The following PPP1R13B variants were observed in gnomAD, a reference collection of about 807,000 sequenced individuals.
PPP1R13B encodes protein phosphatase 1 regulatory subunit 13B, also known as apoptosis-stimulating of p53 protein 1.
Under a neutral mutation model 119.8 loss-of-function variants are expected in PPP1R13B, and 44 were observed. The observed-to-expected ratio is 0.37, with a 90% CI of 0.29 to 0.47. PPP1R13B has a LOEUF of 0.47. Ranked by LOEUF, PPP1R13B falls within the 20% of genes least tolerant of loss-of-function variation. PPP1R13B has a pLI of 0.99. For missense variants in PPP1R13B, 1,227 were observed against 1,413.5 expected (o/e 0.87, Z 2.12); for synonymous variants, 542 against 561.5 (o/e 0.97, Z 0.49).
chr14:103,779,601 T>A (rs1164671182), intron 3 of PPP1R13B, among the ~76,000 whole-genome samples: 4 of 139,282 alleles, frequency 2.9e-5, no homozygotes, highest in African/African-American at 8.3e-5. Context: ...GTGGCGAAAA[T>A]CTGTCTCTAC....
intron 14 of PPP1R13B, 75 bp from the exon 15 acceptor site, chr14:103,737,935 T>C (rs2084154996): frequency 8.9e-6 from 13 of 1,461,874 alleles, no homozygotes; most frequent in Non-Finnish European, 1.1e-5. Flanking sequence ...GAGATTTCCC[T>C]CTAAGGAATC....
At chr14:103,788,461 T>C (rs1335761157) in intron 2 of PPP1R13B, among the ~76,000 whole-genome samples, 2 of 152,208 alleles carry the variant, frequency 1.3e-5, no homozygotes, top group African/African-American at 4.8e-5. Context: ...CAAAGATTGA[T>C]ACGGATGCAT....
intron 2 of PPP1R13B, among the ~76,000 whole-genome samples, chr14:103,795,173 A>G (rs1298841086): frequency 6.6e-6 from 1 of 152,106 alleles, no homozygotes; most frequent in Non-Finnish European, 1.5e-5. Context: ...CCTGGCTTCA[A>G]GTGATCCACC....
At chr14:103,805,091 C>CCT (rs916478937) in intron 1 of PPP1R13B, among the ~76,000 whole-genome samples, 1 of 152,118 alleles carries the variant, frequency 6.6e-6, no homozygotes, top group African/African-American at 2.4e-5. Context: ...CCCACCTCGG[C>CCT]CTCTCAAAGT....
intron 9 of PPP1R13B, among the ~76,000 whole-genome samples, chr14:103,745,592 T>C (rs1304199836): frequency 6.6e-6 from 1 of 151,882 alleles, no homozygotes; most frequent in Non-Finnish European, 1.5e-5. Flanking sequence ...ACACTAGAGG[T>C]CCAAGTCCAT....
At chr14:103,766,167 C>T (rs553709641) in intron 4 of PPP1R13B, among the ~76,000 whole-genome samples, 26 of 152,042 alleles carry the variant, frequency 1.7e-4, no homozygotes, top group African/African-American at 6.0e-4. Flanking sequence ...TGCCACCATG[C>T]CCAGCTAATT....
chr14:103,799,371 G>T (rs982556782), intron 1 of PPP1R13B, among the ~76,000 whole-genome samples: 1 of 151,800 alleles, frequency 6.6e-6, no homozygotes, highest in South Asian at 2.1e-4. Context: ...GTAGAGACGG[G>T]GTTTCACCGT....
intron 2 of PPP1R13B, among the ~76,000 whole-genome samples, chr14:103,788,111 C>CA (rs1283399374): frequency 6.9e-6 from 1 of 145,292 alleles, no homozygotes; most frequent in African/African-American, 2.6e-5. Context: ...GACCCTGTCT[C>CA]AAAAAGAGAA....
chr14:103,838,055 G>A lies in PPP1R13B; in HGVS notation c.9+9244C>T, dbSNP rs559909099. On this transcript the variant is annotated intron_variant, in intron 1 of 16. Coordinates refer to ENST00000202556, the MANE Select transcript of PPP1R13B (RefSeq NM_015316.3). ...AATCGCTTGAACCTAGGAGGCGAAGGTTGCAGTGAGCCGAGATCACACCAC... is the reference window on the plus strand; with the variant it reads ...AATCGCTTGAACCTAGGAGGCGAAGATTGCAGTGAGCCGAGATCACACCAC... 1.2e-4 allele frequency among the ~76,000 whole-genome samples: 18 copies of A among 151,758 alleles called. No homozygotes were observed. In the South Asian group the frequency reaches 2.9e-3, roughly 25 times the overall value.
At chr14:103,795,119 G>A (rs1040933066) in intron 2 of PPP1R13B, among the ~76,000 whole-genome samples, 39 of 152,072 alleles carry the variant, frequency 2.6e-4, no homozygotes, top group African/African-American at 9.2e-4. Flanking sequence ...TGTATTTTTA[G>A]TAGAGATGGG....
chr14:103,833,542 C>T (rs910551791), intron 1 of PPP1R13B, among the ~76,000 whole-genome samples: 5 of 151,954 alleles, frequency 3.3e-5, no homozygotes, highest in African/African-American at 1.2e-4. Context: ...CCTGGGGAAG[C>T]TGAGGCATGA....
At chr14:103,844,294 A>T (rs2086977106) in intron 1 of PPP1R13B, among the ~76,000 whole-genome samples, 1 of 151,784 alleles carries the variant, frequency 6.6e-6, no homozygotes, top group Non-Finnish European at 1.5e-5. Context: ...AAGAAGGTGG[A>T]AAGTCACAGC....
intron 4 of PPP1R13B, among the ~76,000 whole-genome samples, chr14:103,770,653 C>T: frequency 6.6e-6 from 1 of 152,158 alleles, no homozygotes; most frequent in African/African-American, 2.4e-5. Flanking sequence ...ACAGAAAACG[C>T]ATCCCATGCC....
chr14:103,789,671 G>A (rs960441348), intron 2 of PPP1R13B, among the ~76,000 whole-genome samples: 5 of 151,670 alleles, frequency 3.3e-5, no homozygotes, highest in Admixed American at 6.6e-5. Context: ...GCACTACCAC[G>A]CCCAGCTAAC....
At chr14:103,763,303 G>C (rs1365345953) in intron 4 of PPP1R13B, 2 of 347,378 alleles carry the variant, frequency 5.8e-6, no homozygotes, top group Non-Finnish European at 1.1e-5. Flanking sequence ...ATTTAGAAAG[G>C]GGGGTCTGTT....
At chr14:103,751,636 G>C (rs1307260167) in intron 7 of PPP1R13B, among the ~76,000 whole-genome samples, 2 of 152,104 alleles carry the variant, frequency 1.3e-5, no homozygotes, top group South Asian at 4.2e-4. Flanking sequence ...AAGGTCATGA[G>C]GGTGGGGCCC....
intron 4 of PPP1R13B, among the ~76,000 whole-genome samples, chr14:103,762,460 AG>A (rs1329358636): frequency 2.3e-5 from 2 of 85,146 alleles, no homozygotes; most frequent in African/African-American, 4.6e-5. Flanking sequence ...GGGTGGGGGG[AG>A]GGGAGAGGGA....
rs886759810 is a variant in PPP1R13B at position 103,835,831 on chromosome 14, G to A, written c.9+11468C>T. Among the ~76,000 whole-genome samples, 8 of 151,580 alleles carry A rather than the reference G, an allele frequency of 5.3e-5. No individual in the cohort carries two copies. The East Asian group carries it at 9.8e-4, about 19-fold the overall frequency. On this transcript the variant is annotated intron_variant, in intron 1 of 16. Transcript: ENST00000202556. ...TCACTGTGTTAGCCAGGATGGTCTC[G>A]ATCTCATGACCTCGTGATCCGCCTG... is the stretch of plus-strand genomic sequence containing the variant.
intron 2 of PPP1R13B, among the ~76,000 whole-genome samples, chr14:103,792,169 C>CGT (rs58782839): frequency 0.037 from 5,010 of 137,198 alleles, 113 homozygotes; most frequent in African/African-American, 0.05. Flanking sequence ...CTCTATTCAT[C>CGT]GTGTGTGTGT....
Sources: allele counts gnomAD v4.1 joint callset (sites outside exome capture counted in the v4.1 genomes callset), GRCh38; gene constraint gnomAD v4.1.1; transcripts MANE v1.5; gene names NCBI Gene and HGNC (gene_info 2026-07-23, HGNC 2026-07-21).